The following HDAC9 variants were observed in gnomAD, a reference collection of about 807,000 sequenced individuals.
HDAC9 encodes MEF-2 interacting transcription repressor (MITR) protein.
A neutral mutation model predicts 139.4 loss-of-function variants in HDAC9; 41 were observed. The observed-to-expected ratio is 0.29, with a 90% confidence interval of 0.23 to 0.38. The LOEUF (loss-of-function observed/expected upper bound fraction) is 0.38. Ranked by LOEUF, HDAC9 falls within the 10% of genes least tolerant of loss-of-function variation. The probability of loss-of-function intolerance (pLI) is 1.00; values close to 1 mark genes in which losing one functional copy is unlikely to be tolerated. For missense variants in HDAC9, 1,147 were observed against 1,297.0 expected, an observed-to-expected ratio of 0.88 and a Z score of 1.78; for synonymous variants, 517 against 476.2, an observed-to-expected ratio of 1.09 and a Z score of -1.12.
chr7:18,712,400 A>G (rs1168507940), intron 12 of HDAC9, among the ~76,000 whole-genome samples: 2 of 152,226 alleles, frequency 1.3e-5, no homozygotes, highest in Non-Finnish European at 2.9e-5. Context: ...GCATAGAGCT[A>G]TTGTAGAATG....
intron 1 of HDAC9, among the ~76,000 whole-genome samples, chr7:18,114,019 C>T (rs2128086010): frequency 6.6e-6 from 1 of 152,280 alleles, no homozygotes; most frequent in Admixed American, 6.5e-5. Context: ...TGCAGTCTAA[C>T]AGCACCTCAG....
At chr7:18,169,908 C>T (rs943187415) in intron 2 of HDAC9, among the ~76,000 whole-genome samples, 28 of 152,068 alleles carry the variant, frequency 1.8e-4, no homozygotes, top group Non-Finnish European at 3.7e-4. Context: ...CGAATAGTGC[C>T]GCAATAAACA....
chr7:18,936,951 T>C (rs903350789), intron 23 of HDAC9, among the ~76,000 whole-genome samples: 3 of 151,514 alleles, frequency 2.0e-5, no homozygotes, highest in Non-Finnish European at 4.4e-5. Context: ...TATATTGAAG[T>C]AAAAATGTAT....
At chr7:18,160,080 T>C (rs1000076689) in intron 1 of HDAC9, among the ~76,000 whole-genome samples, 14 of 152,196 alleles carry the variant, frequency 9.2e-5, no homozygotes, top group Non-Finnish European at 1.8e-4. Context: ...TGTTGAATTG[T>C]TGGAAATTAT....
intron 2 of HDAC9, among the ~76,000 whole-genome samples, chr7:18,248,095 A>G (rs1794675682): frequency 6.6e-6 from 1 of 152,214 alleles, no homozygotes; most frequent in Admixed American, 6.5e-5. Context: ...ACTTAAGTAC[A>G]TAAAAATGTA....
chr7:18,257,737 A>T (rs1795374849), intron 2 of HDAC9, among the ~76,000 whole-genome samples: 1 of 152,228 alleles, frequency 6.6e-6, no homozygotes, highest in African/African-American at 2.4e-5. Flanking sequence ...AGTAATGAAT[A>T]TCCTTAAAAA....
intron 12 of HDAC9, among the ~76,000 whole-genome samples, chr7:18,683,442 C>T (rs1345257215): frequency 2.6e-5 from 4 of 151,980 alleles, no homozygotes; most frequent in African/African-American, 7.2e-5. Context: ...CATTAAACAT[C>T]GCTACTTCTG....
At chr7:18,915,850 G>T (rs1369383591) in intron 22 of HDAC9, among the ~76,000 whole-genome samples, 1 of 151,428 alleles carries the variant, frequency 6.6e-6, no homozygotes, top group Non-Finnish European at 1.5e-5. Flanking sequence ...TTAAAATTGT[G>T]TTCCTTTGGA....
chr7:18,885,661 A>T (rs1800089371), intron 22 of HDAC9, among the ~76,000 whole-genome samples: 2 of 152,234 alleles, frequency 1.3e-5, no homozygotes, highest in South Asian at 4.1e-4. Context: ...ATGGGTTATT[A>T]AAAATATCTC....
chr7:18,774,505 T>C (rs533558367), intron 16 of HDAC9, among the ~76,000 whole-genome samples: 27 of 152,222 alleles, frequency 1.8e-4, no homozygotes, highest in Admixed American at 1.3e-4. Flanking sequence ...ACTAAACTTA[T>C]GTTTATACTG....
chr7:18,361,304 C>G (rs956625641), intron 1 of HDAC9, among the ~76,000 whole-genome samples: 15 of 152,044 alleles, frequency 9.9e-5, no homozygotes, highest in African/African-American at 3.6e-4. Flanking sequence ...TCAAACAATA[C>G]ATAAGTAAGT....
upstream of HDAC9, among the ~76,000 whole-genome samples, chr7:18,494,671 C>T (rs530184578): frequency 3.6e-4 from 55 of 152,068 alleles, no homozygotes; most frequent in African/African-American, 1.1e-3. Flanking sequence ...TATAGCTGAA[C>T]GCCACAATGT....
intron 2 of HDAC9, among the ~76,000 whole-genome samples, chr7:18,208,238 A>G (rs751300889): frequency 1.1e-4 from 16 of 151,958 alleles, no homozygotes; most frequent in Admixed American, 2.0e-4. Flanking sequence ...CACCTTTCAC[A>G]TTTTCTATCT....
At chr7:18,939,901 T>G (rs1037976825) in intron 23 of HDAC9, among the ~76,000 whole-genome samples, 4 of 152,206 alleles carry the variant, frequency 2.6e-5, no homozygotes, top group African/African-American at 9.6e-5. Context: ...ACACTGAACA[T>G]GCAATTGAAC....
intron 22 of HDAC9, among the ~76,000 whole-genome samples, chr7:18,929,775 A>G (rs895509759): frequency 2.0e-5 from 3 of 152,026 alleles, no homozygotes; most frequent in Admixed American, 2.0e-4. Context: ...CCGCGTCTCT[A>G]CTAAAAATAC....
intron 2 of HDAC9, among the ~76,000 whole-genome samples, chr7:18,270,348 C>G (rs558589846): frequency 6.6e-6 from 1 of 150,618 alleles, no homozygotes; most frequent in Admixed American, 6.6e-5. Flanking sequence ...TTTCCTGTTA[C>G]CTTCTCTGCC....
At chr7:18,091,169 A>T (rs755016939) in intron 1 of HDAC9, among the ~76,000 whole-genome samples, 1 of 152,222 alleles carries the variant, frequency 6.6e-6, no homozygotes, top group Non-Finnish European at 1.5e-5. Flanking sequence ...TAAATTACAA[A>T]TGGTTTATAG....
chr7:18,150,214 C>G (rs911639804), intron 1 of HDAC9, among the ~76,000 whole-genome samples: 4 of 151,198 alleles, frequency 2.6e-5, no homozygotes, highest in African/African-American at 9.7e-5. Context: ...TTATTTGTAT[C>G]TAGATATATA....
chr7:18,477,081 C>T (rs761019952), intron 1 of HDAC9, among the ~76,000 whole-genome samples: 36 of 152,168 alleles, frequency 2.4e-4, no homozygotes, highest in Non-Finnish European at 5.9e-5. Context: ...TTTAGGTGGG[C>T]ATTGACAATG....
Sources: allele counts gnomAD v4.1 joint callset (sites outside exome capture counted in the v4.1 genomes callset), GRCh38; gene constraint gnomAD v4.1.1; transcripts MANE v1.5; gene names NCBI Gene and HGNC (gene_info 2026-07-23, HGNC 2026-07-21).